MYO1D: variants seen among roughly 807,000 people sequenced by gnomAD.
The protein encoded by MYO1D is unconventional myosin-Id.
In MYO1D, 83 loss-of-function variants were observed where a neutral mutation model predicts 122.0. That is an observed-to-expected ratio of 0.68 (90% CI 0.57 to 0.82). The LOEUF is 0.82. MYO1D is among the 40% of genes least tolerant of loss of function. The probability of loss-of-function intolerance (pLI) is 0.00; values close to 1 mark genes in which losing one functional copy is unlikely to be tolerated. For missense variants in MYO1D, 1,157 were observed against 1,269.5 expected, an observed-to-expected ratio of 0.91 and a Z score of 1.35; for synonymous variants, 464 against 446.9, an observed-to-expected ratio of 1.04 and a Z score of -0.48.
Position 32,767,755 on chromosome 17 carries a change from G to A in MYO1D, c.715-3C>T. 6.3e-7 allele frequency: 1 copy of A among 1,598,600 alleles called. No individual in the cohort carries two copies. The highest frequency in any genetic ancestry group is 8.6e-7 in the Non-Finnish European group (1 of 1,167,300). ...TCGGCAGCATCATTGATAGAAGACT[G>A]GGGATGAAAATGAAAAACTGAAGTT... is the stretch of plus-strand genomic sequence containing the variant. On this transcript the variant is annotated splice_polypyrimidine_tract_variant and splice_region_variant and intron_variant, in intron 6 of 21. Coordinates refer to ENST00000318217, the MANE Select transcript of MYO1D (RefSeq NM_015194.3).
intron 16 of MYO1D, among the ~76,000 whole-genome samples, chr17:32,691,332 C>T (rs1419803853): frequency 6.6e-6 from 1 of 150,664 alleles, no homozygotes; most frequent in Non-Finnish European, 1.5e-5. Flanking sequence ...CGCTCTTCAT[C>T]TCCACTAACT....
intron 21 of MYO1D, chr17:32,594,458 T>C (rs1264311707): frequency 2.1e-6 from 1 of 476,870 alleles, no homozygotes; most frequent in Non-Finnish European, 3.8e-6. Context: ...CACTTTTGTT[T>C]GTTTCTCAGC....
intron 21 of MYO1D, among the ~76,000 whole-genome samples, chr17:32,525,502 T>C (rs911063597): frequency 6.6e-6 from 1 of 151,970 alleles, no homozygotes; most frequent in Non-Finnish European, 1.5e-5. Context: ...TCTTGGGATA[T>C]AATAAGGTGT....
intron 1 of MYO1D, among the ~76,000 whole-genome samples, chr17:32,808,078 A>G (rs960062182): frequency 1.3e-5 from 2 of 152,178 alleles, no homozygotes; most frequent in African/African-American, 4.8e-5. Context: ...TCTGTGGGGG[A>G]AAATTTCTTC....
chr17:32,876,739 GCAGCCTCGCGCCCCTGCGCGCGGC>G lies in MYO1D; in HGVS notation c.95+15_95+38del. ...CCGAGGCGCCCCCTCTCGGGAAAGC[GCAGCCTCGCGCCCCTGCGCGCGGC>G]CGCTCCGCCCTCACCTGAGCCTGAG... On this transcript the variant is annotated intron_variant, in intron 1 of 21. Transcript: ENST00000318217. 1.4e-6 allele frequency: 2 copies of G among 1,458,444 alleles called. No individual in the cohort carries two copies. Among genetic ancestry groups the G allele is most frequent in the East Asian group, 3.0e-5 (1 of 33,096 alleles). The allele number at this position is 1,458,444 out of a possible 1,614,324, so 90.3% of individuals were successfully genotyped here.
Position 32,712,104 on chromosome 17 carries a change from G to C in MYO1D, c.2005C>G (p.Gln669Glu), listed in dbSNP as rs760494891. ...GTCTTCCCATAAGCTACATCATCCT[G>C]AAAACCACACCGTTCAATTAGTTTC... ...VKKLIERCGFQDDVAYGKTKI... is the reference protein window; with the variant it reads ...VKKLIERCGFEDDVAYGKTKI... Residue 669 changes from glutamine (Q) to glutamate (E), a missense_variant, in exon 16 of 22, where the codon CAG (glutamine) becomes GAG (glutamate). Coordinates refer to ENST00000318217, the MANE Select transcript of MYO1D (RefSeq NM_015194.3). The C allele has an allele frequency of 6.2e-7, 1 of 1,613,984 alleles. No homozygotes were observed. Among genetic ancestry groups the C allele is most frequent in the South Asian group, 1.1e-5 (1 of 91,080 alleles).
chr17:32,774,358 A>T lies in MYO1D; in HGVS notation c.564+1506T>A, dbSNP rs569506909. Among the ~76,000 whole-genome samples, 22 of 152,338 alleles carry T rather than the reference A, an allele frequency of 1.4e-4. 1 individual carries two copies. The highest frequency in any genetic ancestry group is 5.3e-4 in the African/African-American group (22 of 41,582). ...ATTGCTTAAAACAGAGGTCCCTAAA[A>T]CTTTCTGAAGAATGAAGCTATTTTG... On this transcript the variant is annotated intron_variant, in intron 4 of 21. Coordinates refer to ENST00000318217, the MANE Select transcript of MYO1D (RefSeq NM_015194.3).
chr17:32,692,184 A>C (rs968971805), intron 16 of MYO1D, among the ~76,000 whole-genome samples: 1 of 152,196 alleles, frequency 6.6e-6, no homozygotes, highest in Non-Finnish European at 1.5e-5. Context: ...ATATTTCATA[A>C]ACTTTCTGTT....
At chr17:32,802,035 CTG>C (rs2151043745) in intron 1 of MYO1D, among the ~76,000 whole-genome samples, 1 of 152,286 alleles carries the variant, frequency 6.6e-6, no homozygotes, top group Non-Finnish European at 1.5e-5. Flanking sequence ...TCAGTCTTGG[CTG>C]TGTGGTATAC....
intron 19 of MYO1D, among the ~76,000 whole-genome samples, chr17:32,651,455 G>A (rs2088386984): frequency 6.6e-6 from 1 of 152,148 alleles, no homozygotes; most frequent in African/African-American, 2.4e-5. Flanking sequence ...GAAAAGCTCT[G>A]TCTTTGTCTA....
At chr17:32,553,533 A>G (rs2087041146) in intron 21 of MYO1D, among the ~76,000 whole-genome samples, 1 of 152,208 alleles carries the variant, frequency 6.6e-6, no homozygotes, top group African/African-American at 2.4e-5. Flanking sequence ...CAGCTGAAAA[A>G]GGACGTGGGT....
At chr17:32,786,847 G>A (rs1345286693) in intron 1 of MYO1D, among the ~76,000 whole-genome samples, 1 of 151,870 alleles carries the variant, frequency 6.6e-6, no homozygotes, top group African/African-American at 2.4e-5. Flanking sequence ...CAGTTGAAGT[G>A]AACCAGAATG....
chr17:32,537,358 T>A (rs1287705729), intron 21 of MYO1D, among the ~76,000 whole-genome samples: 1 of 152,222 alleles, frequency 6.6e-6, no homozygotes, highest in African/African-American at 2.4e-5. Flanking sequence ...ATTTCCATAT[T>A]GTCCGTGGCT....
chr17:32,795,758 C>T (rs2090409166), intron 1 of MYO1D, among the ~76,000 whole-genome samples: 1 of 152,174 alleles, frequency 6.6e-6, no homozygotes. Flanking sequence ...AGAGAGTCCG[C>T]CTGAAGACAA....
intron 21 of MYO1D, among the ~76,000 whole-genome samples, chr17:32,517,133 A>G (rs1909919574): frequency 6.6e-6 from 1 of 152,250 alleles, no homozygotes; most frequent in Non-Finnish European, 1.5e-5. Flanking sequence ...CATGAAAACA[A>G]TCAAACCAAA....
At chr17:32,549,950 T>C (rs993297041) in intron 21 of MYO1D, among the ~76,000 whole-genome samples, 1 of 152,176 alleles carries the variant, frequency 6.6e-6, no homozygotes, top group Admixed American at 6.5e-5. Flanking sequence ...AGCATAAAAC[T>C]ATAAAGTTCT....
At chr17:32,729,826 GGAC>G (rs1000588922) in intron 14 of MYO1D, among the ~76,000 whole-genome samples, 2 of 152,124 alleles carry the variant, frequency 1.3e-5, no homozygotes, top group African/African-American at 4.8e-5. Context: ...AAAGGTGAAT[GGAC>G]GACAGCCCAA....
At chr17:32,876,574 C>T (rs2033618769) in intron 1 of MYO1D, among the ~76,000 whole-genome samples, 2 of 152,154 alleles carry the variant, frequency 1.3e-5, no homozygotes, top group African/African-American at 4.8e-5. Flanking sequence ...CCCCCGCACC[C>T]CAAAGCGGCC....
intron 21 of MYO1D, among the ~76,000 whole-genome samples, chr17:32,522,222 G>A (rs1372217282): frequency 1.3e-5 from 2 of 151,874 alleles, no homozygotes; most frequent in Admixed American, 6.6e-5. Context: ...AAATGATAGA[G>A]GTATGAAATA....
Sources: gnomAD v4.1 joint callset for allele counts (sites outside exome capture counted in the v4.1 genomes callset) on GRCh38, gnomAD v4.1.1 for gene constraint, MANE v1.5 for transcripts, NCBI Gene and HGNC (gene_info 2026-07-23, HGNC 2026-07-21) for gene names.